Variants in GALNT13 observed in about 807,000 individuals in gnomAD.
GALNT13 encodes UDP-GalNAc:polypeptide N-acetylgalactosaminyltransferase 13.
In GALNT13, 28 loss-of-function variants were observed where a neutral mutation model predicts 64.2. That is an observed-to-expected ratio of 0.44 (90% CI 0.32 to 0.60). The LOEUF (loss-of-function observed/expected upper bound fraction) is 0.60, where lower values mean the gene tolerates loss of function less well. Ranked by LOEUF, GALNT13 falls within the 20% of genes least tolerant of loss-of-function variation. The probability of loss-of-function intolerance (pLI) is 0.05; values close to 1 mark genes in which losing one functional copy is unlikely to be tolerated. For synonymous variants in GALNT13, 214 were observed against 224.6 expected (o/e 0.95, Z 0.42); for missense variants, 577 against 669.8 (o/e 0.86, Z 1.53).
intron 3 of GALNT13, among the ~76,000 whole-genome samples, chr2:154,000,992 T>G (rs1695866897): frequency 6.6e-6 from 1 of 152,016 alleles, no homozygotes; most frequent in Non-Finnish European, 1.5e-5. Context: ...GCATACATGT[T>G]TACAATTGCT....
intron 3 of GALNT13, among the ~76,000 whole-genome samples, chr2:153,996,099 C>T (rs185841236): frequency 1.3e-5 from 2 of 152,196 alleles, no homozygotes; most frequent in African/African-American, 4.8e-5. Context: ...AAATTGCTTC[C>T]ATCTCTTGAC....
At chr2:153,179,056 T>C in the GALNT13 span, among the ~76,000 whole-genome samples, 1 of 152,154 alleles carries the variant, frequency 6.6e-6, no homozygotes, top group Non-Finnish European at 1.5e-5. Context: ...ATCCCATTTT[T>C]CTGTTTTTGC....
chr2:153,673,100 T>G, the GALNT13 span, among the ~76,000 whole-genome samples: 1 of 152,140 alleles, frequency 6.6e-6, no homozygotes, highest in Non-Finnish European at 1.5e-5. Flanking sequence ...CAGGACCAGA[T>G]GGATTCACAG....
chr2:153,979,008 T>A (rs1694266888), intron 3 of GALNT13, among the ~76,000 whole-genome samples: 1 of 152,056 alleles, frequency 6.6e-6, no homozygotes, highest in Non-Finnish European at 1.5e-5. Flanking sequence ...CGTCATAGGT[T>A]TATTACTAGG....
At chr2:153,090,608 C>T in the GALNT13 span, among the ~76,000 whole-genome samples, 384 of 152,254 alleles carry the variant, frequency 2.5e-3, 6 homozygotes, top group East Asian at 4.8e-3. Flanking sequence ...CAAGAGAGTA[C>T]GAACTGCTTT....
the GALNT13 span, among the ~76,000 whole-genome samples, chr2:153,598,999 C>A: frequency 6.6e-6 from 1 of 151,966 alleles, no homozygotes; most frequent in Non-Finnish European, 1.5e-5. Flanking sequence ...CTAAACATGT[C>A]TTTTTGAATA....
chr2:153,114,809 A>G, the GALNT13 span, among the ~76,000 whole-genome samples: 2 of 152,002 alleles, frequency 1.3e-5, no homozygotes, highest in Non-Finnish European at 1.5e-5. Flanking sequence ...AGTAATCACT[A>G]CTAACACTTG....
chr2:153,988,619 C>T (rs953142036), intron 3 of GALNT13, among the ~76,000 whole-genome samples: 1 of 151,696 alleles, frequency 6.6e-6, no homozygotes, highest in Admixed American at 6.6e-5. Flanking sequence ...AAAATATGGG[C>T]AACATTGGAA....
the GALNT13 span, among the ~76,000 whole-genome samples, chr2:153,838,746 C>G: frequency 4.0e-4 from 60 of 151,838 alleles, no homozygotes; most frequent in African/African-American, 1.3e-3. Flanking sequence ...GGTCTTTTGT[C>G]TACTCAGGGA....
the GALNT13 span, among the ~76,000 whole-genome samples, chr2:153,539,629 G>C: frequency 6.6e-6 from 1 of 151,584 alleles, no homozygotes; most frequent in South Asian, 2.1e-4. Flanking sequence ...AGTTTTCCCA[G>C]CACCATTTAT....
chr2:153,264,285 C>T, the GALNT13 span, among the ~76,000 whole-genome samples: 2 of 152,126 alleles, frequency 1.3e-5, no homozygotes, highest in Non-Finnish European at 2.9e-5. Flanking sequence ...AGTCAAGAAG[C>T]AATAGATGCT....
chr2:154,129,838 G>A (rs1379937407), intron 3 of GALNT13, among the ~76,000 whole-genome samples: 1 of 152,042 alleles, frequency 6.6e-6, no homozygotes, highest in Non-Finnish European at 1.5e-5. Flanking sequence ...ACTCCTCCAT[G>A]AGATCTCCTG....
At chr2:153,253,776 G>C in the GALNT13 span, among the ~76,000 whole-genome samples, 8 of 150,346 alleles carry the variant, frequency 5.3e-5, no homozygotes, top group Non-Finnish European at 1.0e-4. Flanking sequence ...TACATTTATT[G>C]ATTTGCGTAT....
the GALNT13 span, among the ~76,000 whole-genome samples, chr2:153,670,641 TCTC>T: frequency 6.6e-6 from 1 of 152,096 alleles, no homozygotes; most frequent in African/African-American, 2.4e-5. Context: ...GAATGCCTCT[TCTC>T]CTCCAAAGGA....
At chr2:153,396,360 A>G in the GALNT13 span, among the ~76,000 whole-genome samples, 2 of 152,136 alleles carry the variant, frequency 1.3e-5, no homozygotes, top group East Asian at 3.9e-4. Context: ...GGAAAGGGAG[A>G]CAAATACTTT....
At chr2:153,862,497 T>C in the GALNT13 span, among the ~76,000 whole-genome samples, 2 of 152,184 alleles carry the variant, frequency 1.3e-5, no homozygotes, top group Admixed American at 1.3e-4. Flanking sequence ...GCTTTTGGAT[T>C]ATACTGATGA....
At chr2:153,528,083 T>C in the GALNT13 span, among the ~76,000 whole-genome samples, 1 of 151,790 alleles carries the variant, frequency 6.6e-6, no homozygotes, top group Non-Finnish European at 1.5e-5. Context: ...TTATCAATAA[T>C]AATATTGAAT....
intron 3 of GALNT13, among the ~76,000 whole-genome samples, chr2:154,089,792 G>T (rs1701712215): frequency 6.7e-6 from 1 of 149,164 alleles, no homozygotes; most frequent in South Asian, 2.1e-4. Context: ...CTGCTCTTAG[G>T]ACAATTTCCA....
downstream of GALNT13, among the ~76,000 whole-genome samples, chr2:154,455,125 A>G (rs982843314): frequency 2.0e-5 from 3 of 152,192 alleles, no homozygotes; most frequent in Admixed American, 2.0e-4. Context: ...CAGAGAGAGA[A>G]AAATAACTAC....
Sources: gnomAD v4.1 joint callset for allele counts (sites outside exome capture counted in the v4.1 genomes callset) on GRCh38, gnomAD v4.1.1 for gene constraint, MANE v1.5 for transcripts, NCBI Gene and HGNC (gene_info 2026-07-23, HGNC 2026-07-21) for gene names.